The following AFF3 variants were observed in gnomAD, a reference collection of about 807,000 sequenced individuals.
AFF3 encodes the protein AF4/FMR2 family member 3.
In AFF3, 32 loss-of-function variants were observed where a neutral mutation model predicts 129.7. The observed-to-expected ratio is 0.25, with a 90% CI of 0.19 to 0.33. AFF3 has a LOEUF of 0.33. Ranked by LOEUF, AFF3 falls within the 10% of genes least tolerant of loss-of-function variation. The pLI is 1.00. For synonymous variants in AFF3, 644 were observed against 635.4 expected (o/e 1.01, Z -0.20); for missense variants, 1,373 against 1,592.0 (o/e 0.86, Z 2.34).
At chr2:99,737,375 TTC>T (rs1680343905) in intron 10 of AFF3, among the ~76,000 whole-genome samples, 1 of 152,150 alleles carries the variant, frequency 6.6e-6, no homozygotes, top group African/African-American at 2.4e-5. Context: ...CTTTTAAAAT[TTC>T]TTTTGTGAGG....
intron 9 of AFF3, among the ~76,000 whole-genome samples, chr2:99,750,692 C>T (rs1273081815): frequency 6.6e-6 from 1 of 152,154 alleles, no homozygotes; most frequent in African/African-American, 2.4e-5. Context: ...GCTAGGATTA[C>T]AGGTTTGGGC....
intron 7 of AFF3, among the ~76,000 whole-genome samples, chr2:99,850,377 C>T (rs1690055603): frequency 6.6e-6 from 1 of 152,146 alleles, no homozygotes; most frequent in Non-Finnish European, 1.5e-5. Context: ...CAGAAAGTGT[C>T]ACGGGAAGGA....
intron 4 of AFF3, among the ~76,000 whole-genome samples, chr2:100,079,841 A>G (rs568418197): frequency 6.6e-6 from 1 of 152,284 alleles, no homozygotes; most frequent in East Asian, 1.9e-4. Flanking sequence ...GTTCTGGGTC[A>G]ATAGACTCAC....
intron 4 of AFF3, among the ~76,000 whole-genome samples, chr2:100,093,453 G>T (rs909582078): frequency 3.3e-5 from 5 of 151,550 alleles, no homozygotes; most frequent in African/African-American, 1.2e-4. Context: ...GTAAGGAAAA[G>T]AAATCAATTT....
At chr2:99,929,738 AT>A (rs2106292763) in intron 7 of AFF3, among the ~76,000 whole-genome samples, 1 of 152,262 alleles carries the variant, frequency 6.6e-6, no homozygotes, top group South Asian at 2.1e-4. Flanking sequence ...TTTAAAGCAA[AT>A]GTGTTTTGGG....
intron 11 of AFF3, among the ~76,000 whole-genome samples, chr2:99,698,782 A>C (rs947512732): frequency 6.6e-6 from 1 of 152,212 alleles, no homozygotes; most frequent in Admixed American, 6.5e-5. Flanking sequence ...TGTATTTTTA[A>C]CTAGGTGGTA....
intron 8 of AFF3, among the ~76,000 whole-genome samples, chr2:99,796,974 C>T (rs1317655376): frequency 6.6e-6 from 1 of 152,152 alleles, no homozygotes; most frequent in Non-Finnish European, 1.5e-5. Context: ...CCAAAACAAT[C>T]ACACTATTTC....
In AFF3 at chr2:99,959,650, G is replaced by A. The variant is rs1177605607; in HGVS notation, c.873+46982C>T. On this transcript the variant is annotated intron_variant, in intron 7 of 24. Coordinates refer to ENST00000672756, the MANE Select transcript of AFF3 (RefSeq NM_001386135.1). Reference sequence around the variant, plus strand: ...ACATTGCAAGCGCTCACAGATTGCCGAGTTGAATGGAAACATGAACTTACA... The same window carrying A: ...ACATTGCAAGCGCTCACAGATTGCCAAGTTGAATGGAAACATGAACTTACA... Among the ~76,000 whole-genome samples the A allele has an allele frequency of 2.7e-5, 4 of 150,064 alleles. No homozygotes were observed. In the Admixed American group the frequency reaches 2.7e-4, roughly 10 times the overall value.
rs2104435304 is a variant in AFF3 at position 99,548,825 on chromosome 2, A to G, written c.*2649T>C. ...GTTATGAATGACTTTCACAAGCAAC[A>G]ATTGGAGGATGGTTACTAACCAAAA... is the stretch of plus-strand genomic sequence containing the variant. On this transcript the variant is annotated 3_prime_UTR_variant, in exon 25 of 25. Transcript: ENST00000672756. 8.6e-6 allele frequency: 2 copies of G among 232,842 alleles called. No homozygotes were observed. The highest frequency in any genetic ancestry group is 1.2e-4 in the East Asian group (2 of 16,528). The allele number at this position is 232,842 out of a possible 1,614,324, so 14.4% of individuals were successfully genotyped here. A position where few individuals can be genotyped will look rare whatever the true frequency, so the allele number is the denominator to read the frequency against.
chr2:99,590,046 G>A (rs115579579), intron 15 of AFF3, among the ~76,000 whole-genome samples: 41 of 152,306 alleles, frequency 2.7e-4, no homozygotes, highest in African/African-American at 8.4e-4. Flanking sequence ...CAGTGTGGGC[G>A]TTCCCCTTCT....
chr2:100,120,128 G>C (rs527818102), intron 2 of AFF3, among the ~76,000 whole-genome samples: 2 of 152,350 alleles, frequency 1.3e-5, no homozygotes, highest in South Asian at 4.1e-4. Context: ...CAGGTCTTGA[G>C]AAGTAGCTTC....
At chr2:99,806,169 G>A (rs1359837250) in intron 8 of AFF3, among the ~76,000 whole-genome samples, 1 of 152,154 alleles carries the variant, frequency 6.6e-6, no homozygotes, top group African/African-American at 2.4e-5. Flanking sequence ...GATCAACTTG[G>A]TTTCTAGGGT....
chr2:99,564,741 A>G (rs1320055373), intron 20 of AFF3, among the ~76,000 whole-genome samples: 1 of 152,252 alleles, frequency 6.6e-6, no homozygotes, highest in African/African-American at 2.4e-5. Context: ...TTGATTGCAC[A>G]GAACCCCAGA....
At position 100,104,536 on chromosome 2, in the gene AFF3, G is replaced by A. The variant is rs756514696; in HGVS notation, c.-64-18C>T. ...CCCGCGCGCTGCAACGAAAGGCGCC[G>A]CTCAAGGTGCATCCCAGCCGCGCCA... On this transcript the variant is annotated intron_variant, in intron 3 of 24. Transcript: ENST00000672756. 100 of 1,200,200 alleles carry A rather than the reference G, an allele frequency of 8.3e-5. 1 individual carries two copies. In the African/African-American group the frequency reaches 1.4e-3, roughly 17 times the overall value. The allele number at this position is 1,200,200 out of a possible 1,614,324, so 74.3% of individuals were successfully genotyped here.
chr2:99,923,596 A>G (rs991124897), intron 7 of AFF3, among the ~76,000 whole-genome samples: 2 of 152,180 alleles, frequency 1.3e-5, no homozygotes, highest in Non-Finnish European at 2.9e-5. Flanking sequence ...GGTCCAATGA[A>G]TTCACTCAAA....
chr2:99,987,420 G>A (rs559413887), intron 7 of AFF3, among the ~76,000 whole-genome samples: 1 of 152,170 alleles, frequency 6.6e-6, no homozygotes, highest in Non-Finnish European at 1.5e-5. Context: ...TTAAGCTAAC[G>A]TTAGTTTAGA....
chr2:99,606,986 ATTTC>A (rs1343620275), intron 13 of AFF3, among the ~76,000 whole-genome samples: 3 of 151,482 alleles, frequency 2.0e-5, no homozygotes, highest in Non-Finnish European at 4.4e-5. Context: ...TTCTGAGAAT[ATTTC>A]TTTAAATGTA....
intron 7 of AFF3, among the ~76,000 whole-genome samples, chr2:99,985,617 C>A (rs1679790607): frequency 1.3e-5 from 2 of 152,166 alleles, no homozygotes; most frequent in South Asian, 2.1e-4. Flanking sequence ...ATTCACACAA[C>A]AACATGGATG....
At chr2:99,686,348 C>A (rs1558746618) in intron 11 of AFF3, among the ~76,000 whole-genome samples, 1 of 152,166 alleles carries the variant, frequency 6.6e-6, no homozygotes, top group Non-Finnish European at 1.5e-5. Context: ...GTTGAGTTTA[C>A]CTTTGAAAAC....
Sources: allele counts gnomAD v4.1 joint callset (sites outside exome capture counted in the v4.1 genomes callset), GRCh38; gene constraint gnomAD v4.1.1; transcripts MANE v1.5; gene names NCBI Gene and HGNC (gene_info 2026-07-23, HGNC 2026-07-21).